The following SLC2A14 variants were observed in gnomAD, a reference collection of about 807,000 sequenced individuals.
The protein encoded by SLC2A14 is solute carrier family 2, facilitated glucose transporter member 14.
A neutral mutation model predicts 43.0 loss-of-function variants in SLC2A14; 13 were observed. The observed-to-expected ratio is 0.30, with a 90% CI of 0.20 to 0.48. The LOEUF is 0.48. SLC2A14 is among the 20% of genes least tolerant of loss of function. The probability of loss-of-function intolerance (pLI) is 0.99; values close to 1 mark genes in which losing one functional copy is unlikely to be tolerated. For missense variants in SLC2A14, 428 were observed against 620.4 expected, an observed-to-expected ratio of 0.69 and a Z score of 3.29; for synonymous variants, 190 against 233.8, an observed-to-expected ratio of 0.81 and a Z score of 1.71.
At chr12:7,863,312 CTGAACATCAGAAGGGA>C (rs1447215735) in intron 2 of SLC2A14, 8 of 449,562 alleles carry the variant, frequency 1.8e-5, no homozygotes, top group African/African-American at 4.0e-5. Flanking sequence ...CCGAACGCAT[CTGAACATCAGAAGGGA>C]GGGACTCCAG....
chr12:7,879,638 C>A (rs1390342360), intron 1 of SLC2A14, among the ~76,000 whole-genome samples: 1 of 151,816 alleles, frequency 6.6e-6, no homozygotes, highest in Non-Finnish European at 1.5e-5. Flanking sequence ...GAGCCAAGAT[C>A]ACGCCACTGC....
intron 2 of SLC2A14, among the ~76,000 whole-genome samples, chr12:7,869,444 CTA>C (rs2121056215): frequency 6.6e-6 from 1 of 152,258 alleles, no homozygotes; most frequent in South Asian, 2.1e-4. Context: ...CAGTTACACT[CTA>C]TAGTCTGCTC....
At chr12:7,823,404 A>AT (rs1006491676) in intron 7 of SLC2A14, among the ~76,000 whole-genome samples, 1 of 151,518 alleles carries the variant, frequency 6.6e-6, no homozygotes, top group Non-Finnish European at 1.5e-5. Context: ...AGAAAAAAAA[A>AT]GTAAGGTTGC....
intron 2 of SLC2A14, among the ~76,000 whole-genome samples, chr12:7,845,872 T>A (rs1192223399): frequency 6.6e-6 from 1 of 151,486 alleles, no homozygotes; most frequent in Non-Finnish European, 1.5e-5. Context: ...CGGGTGGATT[T>A]CCTGATCTGA....
intron 1 of SLC2A14, among the ~76,000 whole-genome samples, chr12:7,884,598 C>T (rs1233859544): frequency 9.9e-5 from 15 of 152,046 alleles, no homozygotes; most frequent in Admixed American, 9.2e-4. Flanking sequence ...CAGCTAAGGT[C>T]GAGATAATAG....
At chr12:7,873,408 G>T (rs1210159169), upstream of SLC2A14, 1 of 963,150 alleles carries the variant, frequency 1.0e-6, no homozygotes, top group Middle Eastern at 5.3e-4. Context: ...TTTGGAGGCC[G>T]AGGAGAGCGG....
chr12:7,869,296 G>A (rs145590136), intron 2 of SLC2A14, among the ~76,000 whole-genome samples: 191 of 152,236 alleles, frequency 1.3e-3, no homozygotes, highest in Non-Finnish European at 2.4e-3. Flanking sequence ...TTCCAGAGGT[G>A]AGCACATGTG....
chr12:7,868,102 T>C (rs752568979), intron 2 of SLC2A14, among the ~76,000 whole-genome samples: 6 of 152,142 alleles, frequency 3.9e-5, no homozygotes, highest in Non-Finnish European at 8.8e-5. Context: ...GCAAACTTCA[T>C]TGTTGTCTTA....
intron 2 of SLC2A14, among the ~76,000 whole-genome samples, chr12:7,834,533 T>C (rs1002374476): frequency 8.6e-5 from 11 of 128,344 alleles, no homozygotes; most frequent in South Asian, 2.8e-4. Flanking sequence ...TCTCTCTCTT[T>C]TTTTTTTTTT....
chr12:7,884,529 G>T (rs1354803290), intron 1 of SLC2A14, among the ~76,000 whole-genome samples: 1 of 152,052 alleles, frequency 6.6e-6, no homozygotes, highest in Non-Finnish European at 1.5e-5. Flanking sequence ...TCACTATTTG[G>T]TTGCTGTATT....
chr12:7,886,483 C>T (rs1264895456), intron 1 of SLC2A14, among the ~76,000 whole-genome samples: 1 of 151,814 alleles, frequency 6.6e-6, no homozygotes, highest in East Asian at 1.9e-4. Context: ...GCTGGGAGTG[C>T]GTGAAGTACT....
chr12:7,845,572 G>A (rs906121290), intron 2 of SLC2A14, among the ~76,000 whole-genome samples: 1 of 151,324 alleles, frequency 6.6e-6, no homozygotes, highest in Non-Finnish European at 1.5e-5. Context: ...GAGGTCAGTA[G>A]ATTGAGACCA....
rs759947600 is a variant in SLC2A14, at chr12:7,849,130, C to G, written c.19-16316G>C. ...TCCGTCTCCCAAAGTGCTGGGATTA[C>G]TGGTCTGAGACACTGCGCCCGCTTT... On this transcript the variant is annotated intron_variant, in intron 2 of 10. Transcript: ENST00000431042. Among the ~76,000 whole-genome samples the G allele has an allele frequency of 3.3e-5, 5 of 151,962 alleles. No homozygotes were observed. The South Asian group carries it at 1.0e-3, about 32-fold the overall frequency.
intron 2 of SLC2A14, among the ~76,000 whole-genome samples, chr12:7,865,334 G>A (rs1190957578): frequency 2.0e-5 from 3 of 151,988 alleles, no homozygotes; most frequent in Non-Finnish European, 4.4e-5. Flanking sequence ...TCAGGAGATC[G>A]AGACCATCCT....
At chr12:7,863,609 G>C (rs1293946521) in intron 2 of SLC2A14, among the ~76,000 whole-genome samples, 1 of 151,746 alleles carries the variant, frequency 6.6e-6, no homozygotes, top group Non-Finnish European at 1.5e-5. Context: ...GTGACAGAGT[G>C]ACTCCATCTT....
intron 1 of SLC2A14, among the ~76,000 whole-genome samples, chr12:7,880,401 G>A (rs943500564): frequency 9.2e-5 from 14 of 151,812 alleles, no homozygotes; most frequent in African/African-American, 3.4e-4. Flanking sequence ...CTTGAACCCA[G>A]GAGGCGGAGG....
intron 2 of SLC2A14, among the ~76,000 whole-genome samples, chr12:7,838,010 G>A (rs140916541): frequency 1.2e-3 from 181 of 152,038 alleles, no homozygotes; most frequent in Middle Eastern, 3.4e-3. Context: ...CACCCACCTC[G>A]GCCTCCCAAA....
upstream of SLC2A14, among the ~76,000 whole-genome samples, chr12:7,876,526 G>A (rs1945466904): frequency 2.5e-5 from 1 of 40,134 alleles, no homozygotes; most frequent in Admixed American, 2.0e-4. Flanking sequence ...ATTATGGAAA[G>A]CAGTATGGAA....
At chr12:7,871,151 C>G in intron 1 of SLC2A14, 2 of 1,285,650 alleles carry the variant, frequency 1.6e-6, no homozygotes, top group Non-Finnish European at 2.0e-6. Flanking sequence ...GGAACAGACC[C>G]CCAGGATGTG....
Sources: allele counts gnomAD v4.1 joint callset (sites outside exome capture counted in the v4.1 genomes callset), GRCh38; gene constraint gnomAD v4.1.1; transcripts MANE v1.5; gene names NCBI Gene and HGNC (gene_info 2026-07-23, HGNC 2026-07-21).